The following PDE7B variants were observed in gnomAD, a reference collection of about 807,000 sequenced individuals.
The protein encoded by PDE7B is 3',5'-cyclic-AMP phosphodiesterase 7B.
Under a neutral mutation model 56.2 loss-of-function variants are expected in PDE7B, and 29 were observed. The ratio of observed to expected loss-of-function variants is 0.52; its 90% CI spans 0.38 to 0.70. The LOEUF (loss-of-function observed/expected upper bound fraction) is 0.70, where lower values mean the gene tolerates loss of function less well. Ranked by LOEUF, PDE7B falls within the 30% of genes least tolerant of loss-of-function variation. The pLI, the probability that PDE7B is intolerant of heterozygous loss-of-function variation, is 0.00. For synonymous variants in PDE7B, 197 were observed against 196.9 expected, an observed-to-expected ratio of 1.00 and a Z score of 0.00; for missense variants, 490 against 565.0, an observed-to-expected ratio of 0.87 and a Z score of 1.35.
At chr6:135,928,469 TTATA>T (rs201188970) in intron 1 of PDE7B, among the ~76,000 whole-genome samples, 28 of 81,750 alleles carry the variant, frequency 3.4e-4, no homozygotes, top group Non-Finnish European at 4.5e-4. Flanking sequence ...ATATATTTAT[TTATA>T]TATATATATT....
chr6:135,893,403 A>C (rs180821714), intron 1 of PDE7B, among the ~76,000 whole-genome samples: 27 of 152,010 alleles, frequency 1.8e-4, no homozygotes, highest in African/African-American at 6.0e-4. Context: ...TGAACTCATC[A>C]TTTTTTATGG....
chr6:135,951,817 A>G (rs577307135), intron 2 of PDE7B, among the ~76,000 whole-genome samples: 4 of 152,156 alleles, frequency 2.6e-5, no homozygotes, highest in Non-Finnish European at 5.9e-5. Flanking sequence ...ATTAGAATGT[A>G]CAATAAGCAC....
chr6:136,139,291 A>G (rs184674179), intron 3 of PDE7B, among the ~76,000 whole-genome samples: 311 of 152,320 alleles, frequency 2.0e-3, no homozygotes, highest in African/African-American at 7.1e-3. Flanking sequence ...CCTACAAAGG[A>G]CATGAACTCA....
In PDE7B at chr6:135,909,244, AG is replaced by A. The variant is rs199965853; in HGVS notation, c.22-38217del. ...GAATGCGAGTGTGTAGAGAAACAGAAGGGATCTCAGAGGTGTGGTGCTGTCA... is the reference window on the plus strand; with the variant it reads ...GAATGCGAGTGTGTAGAGAAACAGAAGGATCTCAGAGGTGTGGTGCTGTCA... On this transcript the variant is annotated intron_variant, in intron 1 of 12. Transcript: ENST00000308191. 1.1e-3 allele frequency among the ~76,000 whole-genome samples: 167 copies of A among 152,288 alleles called. No individual in the cohort carries two copies. In the East Asian group the frequency reaches 0.024, roughly 22 times the overall value.
intron 2 of PDE7B, among the ~76,000 whole-genome samples, chr6:136,085,854 A>AC (rs1247963237): frequency 1.3e-5 from 2 of 152,210 alleles, no homozygotes; most frequent in African/African-American, 4.8e-5. Flanking sequence ...ACTGAGGAGC[A>AC]CAGGCCAACA....
In PDE7B at chr6:136,192,102, G is replaced by C. The variant is rs1779240176; in HGVS notation, c.*262G>C. ...CTGATCCCACGGGCAGGCTCTCCCT[G>C]CTCCAGGAGAAGACTAGGAGGAAGA... is the stretch of plus-strand genomic sequence containing the variant. On this transcript the variant is annotated 3_prime_UTR_variant, in exon 13 of 13. Transcript: ENST00000308191. 1 of 496,356 alleles carries C rather than the reference G, an allele frequency of 2.0e-6. No homozygotes were observed. Among genetic ancestry groups the C allele is most frequent in the African/African-American group, 1.9e-5 (1 of 51,700 alleles). 30.7% of individuals were successfully genotyped at this position (496,356 alleles called of 1,614,324 possible). A position where few individuals can be genotyped will look rare whatever the true frequency, so the allele number is the denominator to read the frequency against.
At chr6:135,898,153 G>T (rs933873975) in intron 1 of PDE7B, among the ~76,000 whole-genome samples, 4 of 152,162 alleles carry the variant, frequency 2.6e-5, no homozygotes, top group African/African-American at 7.2e-5. Flanking sequence ...TTGCTGCCCA[G>T]ATCAAAACTG....
chr6:136,016,234 T>C (rs1037311315), intron 2 of PDE7B, among the ~76,000 whole-genome samples: 1 of 152,206 alleles, frequency 6.6e-6, no homozygotes, highest in Non-Finnish European at 1.5e-5. Flanking sequence ...GAAGCATTGC[T>C]GAGATGATTA....
intron 2 of PDE7B, among the ~76,000 whole-genome samples, chr6:136,041,554 T>C (rs974966211): frequency 6.6e-6 from 1 of 152,066 alleles, no homozygotes; most frequent in Non-Finnish European, 1.5e-5. Context: ...GAATGGGAGA[T>C]GATAGAAGGA....
intron 2 of PDE7B, among the ~76,000 whole-genome samples, chr6:136,061,071 T>G (rs547388128): frequency 2.5e-4 from 38 of 152,264 alleles, no homozygotes; most frequent in African/African-American, 7.9e-4. Context: ...TGGCACCCTC[T>G]TTTATGTTAC....
Position 135,961,255 on chromosome 6 carries a change from A to ATGTGTGTG in PDE7B, c.82+13749_82+13756dup, listed in dbSNP as rs961322926. ...GCAATTGTTGGGTCATAGAGTGTAT[A>ATGTGTGTG]TGTGTGTGTGTGTGTGTGTGTGTGT... On this transcript the variant is annotated intron_variant, in intron 2 of 12. Coordinates refer to ENST00000308191, the MANE Select transcript of PDE7B (RefSeq NM_018945.4). 4.1e-3 allele frequency among the ~76,000 whole-genome samples: 595 copies of ATGTGTGTG among 146,168 alleles called. 6 individuals are homozygous for ATGTGTGTG. The highest frequency in any genetic ancestry group is 0.015 in the African/African-American group (574 of 38,448).
intron 1 of PDE7B, among the ~76,000 whole-genome samples, chr6:135,876,273 C>A (rs558880115): frequency 6.6e-6 from 1 of 152,142 alleles, no homozygotes; most frequent in South Asian, 2.1e-4. Context: ...GTGGCCTCCG[C>A]ACACACCTGT....
At chr6:135,907,774 A>G (rs1044197218) in intron 1 of PDE7B, among the ~76,000 whole-genome samples, 5 of 152,212 alleles carry the variant, frequency 3.3e-5, no homozygotes, top group African/African-American at 1.2e-4. Flanking sequence ...CTTATTGAAT[A>G]AACAGTTTTG....
At chr6:136,060,037 C>A (rs928175624) in intron 2 of PDE7B, among the ~76,000 whole-genome samples, 3 of 152,070 alleles carry the variant, frequency 2.0e-5, no homozygotes, top group Non-Finnish European at 4.4e-5. Context: ...AAAATTCAAA[C>A]CCATGTATTC....
intron 1 of PDE7B, among the ~76,000 whole-genome samples, chr6:135,924,817 A>G (rs758985844): frequency 6.6e-6 from 1 of 151,636 alleles, no homozygotes; most frequent in Admixed American, 6.6e-5. Flanking sequence ...GGAAAATACA[A>G]GGAAAATTTA....
intron 1 of PDE7B, among the ~76,000 whole-genome samples, chr6:135,919,574 T>C (rs1477189234): frequency 6.6e-6 from 1 of 152,212 alleles, no homozygotes; most frequent in Non-Finnish European, 1.5e-5. Context: ...ATTACTTGTG[T>C]CATATTTATT....
chr6:135,929,047 C>T (rs1583777710), intron 1 of PDE7B, among the ~76,000 whole-genome samples: 1 of 152,282 alleles, frequency 6.6e-6, no homozygotes, highest in East Asian at 1.9e-4. Flanking sequence ...TACCTAATAA[C>T]ACTCAATGCA....
At chr6:136,053,053 C>T (rs2128211458) in intron 2 of PDE7B, among the ~76,000 whole-genome samples, 1 of 152,232 alleles carries the variant, frequency 6.6e-6, no homozygotes, top group South Asian at 2.1e-4. Context: ...GTTTAATGGA[C>T]TCACATTTTT....
At chr6:135,947,374 T>C (rs1162502924) in intron 1 of PDE7B, 90 bp from the exon 2 acceptor site, 1 of 987,490 alleles carries the variant, frequency 1.0e-6, no homozygotes, top group East Asian at 2.4e-5. Context: ...AGTAGAATAA[T>C]GTTATGGTAA....
Sources: allele counts gnomAD v4.1 joint callset (sites outside exome capture counted in the v4.1 genomes callset), GRCh38; gene constraint gnomAD v4.1.1; transcripts MANE v1.5; gene names NCBI Gene and HGNC (gene_info 2026-07-23, HGNC 2026-07-21).